Variants in EDIL3 observed in about 807,000 individuals in gnomAD.
EDIL3 encodes the protein EGF-like repeat and discoidin I-like domain-containing protein 3.
EDIL3 carries 37 observed loss-of-function variants against 67.4 expected under a neutral mutation model. The ratio of observed to expected loss-of-function variants is 0.55; its 90% CI spans 0.42 to 0.72. EDIL3 has a LOEUF of 0.72. Among genes scored for constraint, EDIL3 ranks in the 30% least tolerant of loss-of-function variants. EDIL3 has a pLI of 0.00. For synonymous variants in EDIL3, 195 were observed against 196.3 expected (o/e 0.99, Z 0.05); for missense variants, 527 against 586.3 (o/e 0.90, Z 1.04).
At chr5:84,112,675 ATG>A (rs770223688) in intron 5 of EDIL3, among the ~76,000 whole-genome samples, 2 of 152,082 alleles carry the variant, frequency 1.3e-5, no homozygotes, top group African/African-American at 2.4e-5. Flanking sequence ...TGCTCAAACC[ATG>A]TCCAGTACTT....
intron 1 of EDIL3, among the ~76,000 whole-genome samples, chr5:84,339,824 A>G (rs1747063231): frequency 6.6e-6 from 1 of 152,076 alleles, no homozygotes. Context: ...AAAAGAAATG[A>G]GGGGCAGGCT....
intron 3 of EDIL3, among the ~76,000 whole-genome samples, chr5:84,182,956 G>A (rs549883483): frequency 3.3e-5 from 5 of 152,144 alleles, no homozygotes; most frequent in African/African-American, 4.8e-5. Flanking sequence ...AGGAAAGAAG[G>A]TGAATGACCA....
intron 10 of EDIL3, among the ~76,000 whole-genome samples, chr5:83,953,644 G>T (rs1023978238): frequency 6.6e-6 from 1 of 151,750 alleles, no homozygotes; most frequent in Non-Finnish European, 1.5e-5. Context: ...TAGTTCTTGT[G>T]TTCAGTTTTC....
At chr5:84,300,159 A>G (rs2112129135) in intron 1 of EDIL3, among the ~76,000 whole-genome samples, 1 of 152,276 alleles carries the variant, frequency 6.6e-6, no homozygotes, top group South Asian at 2.1e-4. Context: ...TAGGGGGAAG[A>G]ATGTGTTTTA....
At chr5:84,330,479 G>A (rs1746846186) in intron 1 of EDIL3, among the ~76,000 whole-genome samples, 4 of 152,150 alleles carry the variant, frequency 2.6e-5, no homozygotes, top group Admixed American at 2.6e-4. Flanking sequence ...AGGAATAACT[G>A]AAAAGGACAA....
chr5:84,135,697 T>C (rs746398532), intron 5 of EDIL3, among the ~76,000 whole-genome samples: 21 of 152,186 alleles, frequency 1.4e-4, no homozygotes, highest in Non-Finnish European at 2.9e-4. Flanking sequence ...GTTGGATGAC[T>C]ATTGGTCTAG....
intron 10 of EDIL3, among the ~76,000 whole-genome samples, chr5:83,947,122 T>G (rs1029391871): frequency 2.6e-5 from 4 of 151,918 alleles, no homozygotes; most frequent in Admixed American, 1.3e-4. Context: ...GATTTCATTA[T>G]TTTTCTTCTG....
intron 1 of EDIL3, among the ~76,000 whole-genome samples, chr5:84,377,954 C>G (rs961742109): frequency 4.6e-5 from 7 of 152,190 alleles, no homozygotes; most frequent in South Asian, 2.1e-4. Flanking sequence ...CAGTTACTAT[C>G]ACTATAATAA....
At chr5:84,322,081 T>C (rs951002817) in intron 1 of EDIL3, among the ~76,000 whole-genome samples, 11 of 151,070 alleles carry the variant, frequency 7.3e-5, no homozygotes, top group Non-Finnish European at 1.6e-4. Flanking sequence ...ATAATAATAA[T>C]AATAAGCAAA....
intron 3 of EDIL3, among the ~76,000 whole-genome samples, chr5:84,198,290 G>T (rs1022666056): frequency 1.3e-5 from 2 of 151,802 alleles, no homozygotes; most frequent in Non-Finnish European, 2.9e-5. Context: ...TGCTTCTGAT[G>T]ATAGAATTCT....
At chr5:84,081,529 A>C (rs533409126) in intron 6 of EDIL3, among the ~76,000 whole-genome samples, 7 of 152,160 alleles carry the variant, frequency 4.6e-5, no homozygotes, top group African/African-American at 1.7e-4. Flanking sequence ...TTTTGAAAGA[A>C]GCCAGAGTGT....
At chr5:84,211,485 T>C (rs985937498) in intron 3 of EDIL3, among the ~76,000 whole-genome samples, 22 of 152,162 alleles carry the variant, frequency 1.4e-4, no homozygotes, top group Non-Finnish European at 2.2e-4. Flanking sequence ...GCAACACAAA[T>C]GAACTATGGA....
intron 1 of EDIL3, among the ~76,000 whole-genome samples, chr5:84,330,483 A>G (rs1345382689): frequency 2.0e-5 from 3 of 152,210 alleles, no homozygotes; most frequent in Non-Finnish European, 4.4e-5. Context: ...ATAACTGAAA[A>G]GGACAAATAT....
chr5:83,974,945 T>C (rs1178401430), intron 9 of EDIL3, among the ~76,000 whole-genome samples: 1 of 151,984 alleles, frequency 6.6e-6, no homozygotes, highest in Non-Finnish European at 1.5e-5. Flanking sequence ...GTTACCAAGG[T>C]CTTTTGAGCT....
At chr5:84,183,036 C>A (rs1432885562) in intron 3 of EDIL3, among the ~76,000 whole-genome samples, 3 of 152,094 alleles carry the variant, frequency 2.0e-5, no homozygotes, top group African/African-American at 7.2e-5. Context: ...GCTGCAGAAC[C>A]TATCTCTCCT....
At chr5:84,373,571 G>T (rs2112215484) in intron 1 of EDIL3, among the ~76,000 whole-genome samples, 1 of 152,182 alleles carries the variant, frequency 6.6e-6, no homozygotes, top group South Asian at 2.1e-4. Context: ...AAAGACTTTA[G>T]AAATTATCTT....
At chr5:84,312,192 C>T (rs1438994840) in intron 1 of EDIL3, among the ~76,000 whole-genome samples, 3 of 144,944 alleles carry the variant, frequency 2.1e-5, no homozygotes, top group Non-Finnish European at 3.1e-5. Context: ...CGGGGGCTGA[C>T]CCCCCCACCT....
chr5:84,288,126 C>T (rs1419740603), intron 1 of EDIL3, among the ~76,000 whole-genome samples: 1 of 152,172 alleles, frequency 6.6e-6, no homozygotes, highest in Admixed American at 6.5e-5. Context: ...TCTTTCTCAT[C>T]TCAGTTAACG....
chr5:83,995,161 C>CACACAG (rs1218588517), intron 9 of EDIL3, among the ~76,000 whole-genome samples: 3 of 151,102 alleles, frequency 2.0e-5, no homozygotes, highest in Non-Finnish European at 3.0e-5. Flanking sequence ...CACACATACA[C>CACACAG]ACACACACAC....
Sources: gnomAD v4.1 joint callset for allele counts (sites outside exome capture counted in the v4.1 genomes callset) on GRCh38, gnomAD v4.1.1 for gene constraint, MANE v1.5 for transcripts, NCBI Gene and HGNC (gene_info 2026-07-23, HGNC 2026-07-21) for gene names.